SPEF2: variants seen among roughly 807,000 people sequenced by gnomAD.
The protein encoded by SPEF2 is sperm flagellar and cilia associated 2.
A neutral mutation model predicts 224.6 loss-of-function variants in SPEF2; 187 were observed. That is an observed-to-expected ratio of 0.83 (90% confidence interval 0.74 to 0.94). The LOEUF (loss-of-function observed/expected upper bound fraction) is 0.94, where lower values mean the gene tolerates loss of function less well. Ranked by LOEUF, SPEF2 falls within the 40% of genes least tolerant of loss-of-function variation. SPEF2 has a pLI of 0.00. For synonymous variants in SPEF2, 715 were observed against 707.3 expected (o/e 1.01, Z -0.17); for missense variants, 2,170 against 2,135.6 (o/e 1.02, Z -0.32).
At chr5:35,666,826 C>G (rs188934021) in intron 8 of SPEF2, among the ~76,000 whole-genome samples, 46 of 152,292 alleles carry the variant, frequency 3.0e-4, no homozygotes, top group African/African-American at 1.1e-3. Flanking sequence ...GGGCTTTCCC[C>G]AGTTAGATCA....
chr5:35,637,790 C>G (rs1375864652), intron 2 of SPEF2, among the ~76,000 whole-genome samples: 1 of 152,170 alleles, frequency 6.6e-6, no homozygotes, highest in African/African-American at 2.4e-5. Context: ...TTCGCTCCCT[C>G]TGTACCTAGC....
chr5:35,794,206 ATTAC>A (rs1477871383), intron 32 of SPEF2, among the ~76,000 whole-genome samples: 3 of 152,226 alleles, frequency 2.0e-5, no homozygotes, highest in Non-Finnish European at 4.4e-5. Context: ...AGGGGCCTGA[ATTAC>A]TTACTTGATT....
At position 35,751,069 on chromosome 5, in the gene SPEF2, A is replaced by ATATATATACG. The variant is rs1580580707; in HGVS notation, c.3331-2547_3331-2546insCGTATATATA. 3.4e-3 allele frequency among the ~76,000 whole-genome samples: 160 copies of ATATATATACG among 47,234 alleles called. 4 individuals are homozygous for ATATATATACG. Among genetic ancestry groups the ATATATATACG allele is most frequent in the Non-Finnish European group, 5.1e-3 (121 of 23,896 alleles). The allele number at this position is 47,234 out of a possible 152,430, so 31.0% of individuals were successfully genotyped here. The stretch of plus-strand genomic sequence containing the variant: ...TATATATATATACGTATATATATGT[A>ATATATATACG]TATATATATACACACACACACACAC... On this transcript the variant is annotated intron_variant, in intron 23 of 36. Transcript: ENST00000356031.
intron 11 of SPEF2, among the ~76,000 whole-genome samples, chr5:35,692,325 T>A (rs1217788587): frequency 6.6e-6 from 1 of 152,032 alleles, no homozygotes; most frequent in Non-Finnish European, 1.5e-5. Context: ...GCAGTAGAAT[T>A]GCTTGAACCC....
chr5:35,787,799 G>A, intron 30 of SPEF2: 2 of 547,360 alleles, frequency 3.7e-6, no homozygotes, highest in Non-Finnish European at 3.2e-6. Flanking sequence ...GTAGGGGTCA[G>A]AGATTAAGCA....
chr5:35,670,970 C>G (rs746864731), intron 10 of SPEF2: 7 of 985,212 alleles, frequency 7.1e-6, no homozygotes, highest in Non-Finnish European at 8.4e-6. Flanking sequence ...CCTCACCATC[C>G]TACTCTCCCC....
chr5:35,773,585 C>A (rs1228018194), intron 27 of SPEF2, among the ~76,000 whole-genome samples: 1 of 152,080 alleles, frequency 6.6e-6, no homozygotes, highest in Non-Finnish European at 1.5e-5. Context: ...ATTTCTGTCC[C>A]TAAACTCTGG....
intron 15 of SPEF2, 98 bp downstream of exon 15, chr5:35,697,891 A>C: frequency 9.8e-6 from 8 of 813,724 alleles, no homozygotes; most frequent in Middle Eastern, 2.8e-4. Context: ...GTAATATCTC[A>C]TACATTTCAC....
chr5:35,763,775 AG>A lies in SPEF2; in HGVS notation c.3801+74del, dbSNP rs11298650. 865,002 of 1,384,288 alleles carry A rather than the reference AG, an allele frequency of 0.62. 279,789 individuals are homozygous for A. Among genetic ancestry groups the A allele is most frequent in the East Asian group, 0.69 (28,333 of 41,266 alleles). 85.8% of individuals were successfully genotyped at this position (1,384,288 alleles called of 1,614,324 possible). On this transcript the variant is annotated intron_variant, in intron 26 of 36. Transcript: ENST00000356031. ...GTACCAAGGTTGGTAATATGCTATA[AG>A]TGGAAAATTGACACAATGCTCTCAA...
chr5:35,794,133 A>C (rs1193925550), intron 32 of SPEF2, among the ~76,000 whole-genome samples: 1 of 152,222 alleles, frequency 6.6e-6, no homozygotes, highest in Non-Finnish European at 1.5e-5. Flanking sequence ...AGGACAAGAA[A>C]AGTCAACTGA....
intron 8 of SPEF2, among the ~76,000 whole-genome samples, chr5:35,659,411 T>G (rs1297727656): frequency 6.6e-6 from 1 of 152,158 alleles, no homozygotes; most frequent in Non-Finnish European, 1.5e-5. Flanking sequence ...CTGTCTTCTT[T>G]TAATCTTGGT....
intron 15 of SPEF2, chr5:35,700,277 G>A: frequency 1.7e-6 from 1 of 574,824 alleles, no homozygotes; most frequent in Non-Finnish European, 3.1e-6. Flanking sequence ...TAAAGCCTCT[G>A]GAATAGATTT....
chr5:35,716,429 CATGT>C (rs1388327326), intron 20 of SPEF2, among the ~76,000 whole-genome samples: 1 of 151,898 alleles, frequency 6.6e-6, no homozygotes, highest in Non-Finnish European at 1.5e-5. Context: ...ATTAAAAAGA[CATGT>C]ATATTAGGTA....
At position 35,739,159 on chromosome 5, in the gene SPEF2, T is replaced by C. The variant is rs74634377; in HGVS notation, c.3064-760T>C. Among the ~76,000 whole-genome samples, 611 of 152,290 alleles carry C rather than the reference T, an allele frequency of 4.0e-3. 11 individuals carry two copies. Among genetic ancestry groups the C allele is most frequent in the African/African-American group, 0.014 (586 of 41,556 alleles). On this transcript the variant is annotated intron_variant, in intron 21 of 36. Coordinates refer to ENST00000356031, the MANE Select transcript of SPEF2 (RefSeq NM_024867.4). ...TCATGCATAGTTTTTTCATAATATG[T>C]ATTTTTCATAAACTTTTTGAAGAGT...
chr5:35,639,476 T>A (rs1746293378), intron 2 of SPEF2, among the ~76,000 whole-genome samples: 1 of 152,174 alleles, frequency 6.6e-6, no homozygotes, highest in Non-Finnish European at 1.5e-5. Context: ...GCTCATGATT[T>A]GGGGATCTTA....
At chr5:35,780,995 G>A (rs1366922611) in intron 30 of SPEF2, among the ~76,000 whole-genome samples, 2 of 151,960 alleles carry the variant, frequency 1.3e-5, no homozygotes, top group Non-Finnish European at 2.9e-5. Flanking sequence ...TTAAAAAATA[G>A]CAGCTATAAC....
chr5:35,756,072 A>C (rs1271621412), intron 24 of SPEF2, among the ~76,000 whole-genome samples: 2 of 152,216 alleles, frequency 1.3e-5, no homozygotes, highest in African/African-American at 4.8e-5. Context: ...ATTACATGGA[A>C]ATTTCCATAA....
At chr5:35,774,514 G>A (rs1415107959) in intron 28 of SPEF2, among the ~76,000 whole-genome samples, 2 of 152,166 alleles carry the variant, frequency 1.3e-5, no homozygotes, top group Admixed American at 1.3e-4. Flanking sequence ...AGGAGAGCCA[G>A]TCATATATCT....
intron 21 of SPEF2, among the ~76,000 whole-genome samples, chr5:35,733,346 C>A (rs1216122270): frequency 1.3e-5 from 2 of 152,162 alleles, no homozygotes; most frequent in Admixed American, 1.3e-4. Flanking sequence ...GATCTCCTCA[C>A]CTCGTGATCC....
Sources: allele counts gnomAD v4.1 joint callset (sites outside exome capture counted in the v4.1 genomes callset), GRCh38; gene constraint gnomAD v4.1.1; transcripts MANE v1.5; gene names NCBI Gene and HGNC (gene_info 2026-07-23, HGNC 2026-07-21).